TESK2: variants seen among roughly 807,000 people sequenced by gnomAD.
The protein encoded by TESK2 is dual specificity testis-specific protein kinase 2.
In TESK2, 39 loss-of-function variants were observed where a neutral mutation model predicts 57.1. The ratio of observed to expected loss-of-function variants is 0.68; its 90% CI spans 0.53 to 0.89. The LOEUF is 0.89. TESK2 is among the 40% of genes least tolerant of loss of function. The pLI is 0.00. For missense variants in TESK2, 646 were observed against 732.1 expected (o/e 0.88, Z 1.36); for synonymous variants, 249 against 267.9 (o/e 0.93, Z 0.69).
intron 1 of TESK2, among the ~76,000 whole-genome samples, chr1:45,488,897 C>T (rs527262661): frequency 6.6e-6 from 1 of 152,124 alleles, no homozygotes; most frequent in Middle Eastern, 3.2e-3. Context: ...CATGATGGCT[C>T]ACCCCTGTAA....
intron 3 of TESK2, among the ~76,000 whole-genome samples, chr1:45,421,074 TG>T: frequency 6.6e-6 from 1 of 151,992 alleles, no homozygotes; most frequent in Non-Finnish European, 1.5e-5. Flanking sequence ...CCTGGGCAAA[TG>T]GTGGAACTCT....
Position 45,351,126 on chromosome 1 carries a change from AT to A in TESK2, c.541-3127del, listed in dbSNP as rs534486609. Among the ~76,000 whole-genome samples, 9 of 152,378 alleles carry A rather than the reference AT, an allele frequency of 5.9e-5. No individual in the cohort carries two copies. The South Asian group carries it at 1.9e-3, about 32-fold the overall frequency. ...TCATTCCCAACAGTAATCACAGAAG[AT>A]CAGTTGGGCAGTAATGGTATTAAGC... On this transcript the variant is annotated intron_variant, in intron 5 of 10. Coordinates refer to ENST00000372086, the MANE Select transcript of TESK2 (RefSeq NM_007170.3).
chr1:45,485,439 G>A (rs550392757), intron 1 of TESK2, among the ~76,000 whole-genome samples: 17 of 151,660 alleles, frequency 1.1e-4, no homozygotes, highest in Admixed American at 6.6e-4. Context: ...CGCCCGCCTC[G>A]GCCTCCCAAA....
chr1:45,471,951 A>G (rs769622935), intron 1 of TESK2, among the ~76,000 whole-genome samples: 5 of 151,914 alleles, frequency 3.3e-5, no homozygotes, highest in Non-Finnish European at 7.4e-5. Context: ...GATAAGTGAC[A>G]TTTTTAAAAA....
intron 2 of TESK2, among the ~76,000 whole-genome samples, chr1:45,426,621 G>C (rs374455977): frequency 1.3e-5 from 2 of 152,128 alleles, no homozygotes; most frequent in South Asian, 4.1e-4. Context: ...CGGTTAAAAA[G>C]CTTCTGCACA....
intron 5 of TESK2, 64 bp from the exon 6 acceptor site, chr1:45,348,064 AC>A (rs1266822687): frequency 5.5e-6 from 6 of 1,099,802 alleles, no homozygotes; most frequent in Non-Finnish European, 8.4e-6. Context: ...CCATAGAGTT[AC>A]CACCCATTCC....
At position 45,344,726 on chromosome 1, in the gene TESK2, G is replaced by A; in HGVS notation, c.*114C>T. 9.8e-7 allele frequency: 1 copy of A among 1,019,636 alleles called. No homozygotes were observed. The highest frequency in any genetic ancestry group is 1.6e-5 in the South Asian group (1 of 61,206). The allele number at this position is 1,019,636 out of a possible 1,614,324, so 63.2% of individuals were successfully genotyped here. ...GGAGCCCAGAAGTTGAGCCTGGCTT[G>A]GCCTAGCCTGCCTGCTCTGTAGGCT... is the stretch of plus-strand genomic sequence containing the variant. On this transcript the variant is annotated 3_prime_UTR_variant, in exon 11 of 11. Transcript: ENST00000372086.
chr1:45,357,288 A>G (rs1485068266), intron 4 of TESK2, among the ~76,000 whole-genome samples: 1 of 152,012 alleles, frequency 6.6e-6, no homozygotes, highest in Non-Finnish European at 1.5e-5. Flanking sequence ...GACATTCTAC[A>G]TGTCAGAAGG....
chr1:45,404,885 C>T (rs988481766), intron 3 of TESK2, among the ~76,000 whole-genome samples: 3 of 151,968 alleles, frequency 2.0e-5, no homozygotes, highest in Non-Finnish European at 4.4e-5. Context: ...TTAAGTGGCT[C>T]ACCTAAGGGC....
chr1:45,382,873 A>G (rs1363436561), intron 4 of TESK2, among the ~76,000 whole-genome samples: 2 of 151,614 alleles, frequency 1.3e-5, no homozygotes, highest in Non-Finnish European at 2.9e-5. Context: ...CGTCCCCCCA[A>G]AAAAAAAATC....
At chr1:45,466,728 A>G (rs1420664427) in intron 1 of TESK2, among the ~76,000 whole-genome samples, 2 of 150,498 alleles carry the variant, frequency 1.3e-5, no homozygotes, top group East Asian at 3.9e-4. Flanking sequence ...ATGCTATGAC[A>G]TCTACAGCCA....
intron 1 of TESK2, among the ~76,000 whole-genome samples, chr1:45,483,453 T>C (rs1460430580): frequency 4.0e-5 from 6 of 150,716 alleles, no homozygotes; most frequent in Non-Finnish European, 7.4e-5. Context: ...AAAAAATTAG[T>C]TGGGCATGGT....
chr1:45,465,933 C>T (rs1353521840), intron 1 of TESK2, among the ~76,000 whole-genome samples: 1 of 151,618 alleles, frequency 6.6e-6, no homozygotes, highest in Non-Finnish European at 1.5e-5. Flanking sequence ...TTGTAGTTAG[C>T]GATATTATTA....
chr1:45,384,326 T>TGTATGTATGTATGTA (rs1362599657), intron 4 of TESK2, among the ~76,000 whole-genome samples: 15 of 69,470 alleles, frequency 2.2e-4, no homozygotes, highest in East Asian at 1.9e-3. Flanking sequence ...TCTCACTCTA[T>TGTATGTATGTATGTA]GTATGTATGT....
At chr1:45,370,959 G>A (rs1205733085) in intron 4 of TESK2, among the ~76,000 whole-genome samples, 1 of 151,938 alleles carries the variant, frequency 6.6e-6, no homozygotes, top group Admixed American at 6.6e-5. Flanking sequence ...CAATGTAATG[G>A]AATAGAGAGC....
intron 2 of TESK2, among the ~76,000 whole-genome samples, chr1:45,434,950 C>T (rs1178653712): frequency 7.3e-6 from 1 of 136,308 alleles, no homozygotes; most frequent in Non-Finnish European, 1.6e-5. Flanking sequence ...CCTCTGTTTA[C>T]TTTTCTTTCT....
chr1:45,482,806 C>G (rs191658788), intron 1 of TESK2, among the ~76,000 whole-genome samples: 17 of 151,886 alleles, frequency 1.1e-4, no homozygotes, highest in Admixed American at 7.9e-4. Context: ...ATGGTGAAAC[C>G]CTGTCTCTAC....
chr1:45,415,599 A>T (rs1294397023), intron 3 of TESK2, among the ~76,000 whole-genome samples: 1 of 152,246 alleles, frequency 6.6e-6, no homozygotes, highest in Non-Finnish European at 1.5e-5. Flanking sequence ...TGAAAGAAGC[A>T]GCCAGAGGAA....
chr1:45,483,731 C>T (rs902424429), intron 1 of TESK2, among the ~76,000 whole-genome samples: 1 of 152,000 alleles, frequency 6.6e-6, no homozygotes, highest in Non-Finnish European at 1.5e-5. Context: ...GGCACAGTGG[C>T]TCATGCCAGT....
Sources: gnomAD v4.1 joint callset for allele counts (sites outside exome capture counted in the v4.1 genomes callset) on GRCh38, gnomAD v4.1.1 for gene constraint, MANE v1.5 for transcripts, NCBI Gene and HGNC (gene_info 2026-07-23, HGNC 2026-07-21) for gene names.